EHD4: variants seen among roughly 807,000 people sequenced by gnomAD.
The protein encoded by EHD4 is EH domain-containing protein 4.
A neutral mutation model predicts 51.0 loss-of-function variants in EHD4; 37 were observed. The observed-to-expected ratio is 0.73, with a 90% confidence interval of 0.56 to 0.95. The LOEUF is 0.95. Among genes scored for constraint, EHD4 ranks in the 40% least tolerant of loss-of-function variants. EHD4 has a pLI of 0.00. For missense variants in EHD4, 632 were observed against 733.1 expected (o/e 0.86, Z 1.59); for synonymous variants, 297 against 317.3 (o/e 0.94, Z 0.68).
At chr15:41,953,996 A>C in intron 1 of EHD4, 56 bp from the exon 2 acceptor site, 1 of 1,581,970 alleles carries the variant, frequency 6.3e-7, no homozygotes, top group Non-Finnish European at 8.6e-7. Flanking sequence ...GTAAGAGGCC[A>C]GAAAGCTGCC....
intron 4 of EHD4, among the ~76,000 whole-genome samples, chr15:41,914,352 A>G (rs1412635390): frequency 7.7e-6 from 1 of 129,114 alleles, no homozygotes; most frequent in East Asian, 1.9e-4. Context: ...GCACGTTTAT[A>G]AAGTGGGTTT....
chr15:41,952,344 C>G (rs2067857776), intron 2 of EHD4, among the ~76,000 whole-genome samples: 3 of 152,166 alleles, frequency 2.0e-5, no homozygotes, highest in Admixed American at 2.0e-4. Context: ...CTCGGATGAC[C>G]CTCCCTAGCT....
chr15:41,957,727 C>T (rs1443158905), intron 1 of EHD4, among the ~76,000 whole-genome samples: 1 of 152,226 alleles, frequency 6.6e-6, no homozygotes, highest in Non-Finnish European at 1.5e-5. Flanking sequence ...TGGCAGATCC[C>T]TGACTTTACA....
chr15:41,951,557 T>A (rs542069345), intron 2 of EHD4, among the ~76,000 whole-genome samples: 10 of 152,298 alleles, frequency 6.6e-5, no homozygotes, highest in Admixed American at 3.3e-4. Context: ...CCTTGTGAAT[T>A]CAGACTTCAC....
intron 1 of EHD4, among the ~76,000 whole-genome samples, chr15:41,954,268 GTAC>G (rs2067872167): frequency 1.3e-5 from 2 of 152,166 alleles, no homozygotes; most frequent in Admixed American, 1.3e-4. Flanking sequence ...CTCAGCATGT[GTAC>G]TACAATTACT....
intron 3 of EHD4, chr15:41,921,386 G>A (rs192740608): frequency 8.5e-5 from 13 of 152,200 alleles, no homozygotes; most frequent in African/African-American, 3.1e-4. Context: ...CTACTGACAG[G>A]GTCACACATA....
chr15:41,925,284 T>C (rs1282830379), intron 3 of EHD4, among the ~76,000 whole-genome samples: 2 of 152,158 alleles, frequency 1.3e-5, no homozygotes, highest in African/African-American at 2.4e-5. Flanking sequence ...GAAGCTATAG[T>C]AGAAGCCTTA....
Position 41,899,930 on chromosome 15 carries a change from T to C in EHD4, c.*715A>G, listed in dbSNP as rs1332225103. 1 of 152,272 alleles carries C rather than the reference T, an allele frequency of 6.6e-6. No homozygotes were observed. 9.4% of individuals were successfully genotyped at this position (152,272 alleles called of 1,614,324 possible). A position where few individuals can be genotyped will look rare whatever the true frequency, so the allele number is the denominator to read the frequency against. ...TGAATTCCAAATTCCTAGCCGAATA[T>C]GGCTTTGCTGGTAAGCCCCCTGGAA... On this transcript the variant is annotated 3_prime_UTR_variant, in exon 6 of 6. Coordinates refer to ENST00000220325, the MANE Select transcript of EHD4 (RefSeq NM_139265.4).
At chr15:41,923,176 G>A (rs1001298644) in intron 3 of EHD4, among the ~76,000 whole-genome samples, 4 of 152,092 alleles carry the variant, frequency 2.6e-5, no homozygotes, top group Non-Finnish European at 5.9e-5. Flanking sequence ...TCTAGCCCCT[G>A]GCGACCACCA....
At chr15:41,968,780 G>T (rs931588476) in intron 1 of EHD4, among the ~76,000 whole-genome samples, 105 of 152,234 alleles carry the variant, frequency 6.9e-4, no homozygotes, top group African/African-American at 2.5e-3. Context: ...AATTGTTTTG[G>T]TTTTTTATTG....
At chr15:41,922,775 C>T (rs750147657) in intron 3 of EHD4, among the ~76,000 whole-genome samples, 19 of 150,954 alleles carry the variant, frequency 1.3e-4, no homozygotes, top group Middle Eastern at 6.8e-3. Flanking sequence ...CTATAAGTGA[C>T]GCCAATACTC....
chr15:41,967,130 C>T (rs1566828787), intron 1 of EHD4, among the ~76,000 whole-genome samples: 1 of 152,202 alleles, frequency 6.6e-6, no homozygotes, highest in Non-Finnish European at 1.5e-5. Context: ...TCTCAGTGAA[C>T]AGCTGTACTC....
chr15:41,900,639 C>T lies in EHD4; in HGVS notation c.*6G>A. The T allele has an allele frequency of 3.2e-6, 5 of 1,579,746 alleles. No homozygotes were observed. The highest frequency in any genetic ancestry group is 2.3e-5 in the East Asian group (1 of 44,266). On this transcript the variant is annotated 3_prime_UTR_variant, in exon 6 of 6. Transcript: ENST00000220325. This position sits in a 1 kb window ranked among gnomAD's most constrained non-coding sequence, Gnocchi z 4.8. ...CCAGTTCCCACCCCGTTCTGCAGCC[C>T]ACCCCTCAGTCGGCCTTGGGCAGGG... is the stretch of plus-strand genomic sequence containing the variant.
At chr15:41,942,752 TC>T in intron 3 of EHD4, 1 of 262,238 alleles carries the variant, frequency 3.8e-6, no homozygotes, top group Non-Finnish European at 7.6e-6. Flanking sequence ...TGCTGCTTCC[TC>T]CAGGAGCCTC....
Position 41,919,190 on chromosome 15 carries a change from C to A in EHD4, c.924+20G>T. 1 of 1,612,884 alleles carries A rather than the reference C, an allele frequency of 6.2e-7. No homozygotes were observed. Among genetic ancestry groups the A allele is most frequent in the Non-Finnish European group, 8.5e-7 (1 of 1,179,994 alleles). ...AGAGTCCCAGCCCCTGGCCTCTGTG[C>A]AAGGCATCTCCTGGCTTACCTTGGC... On this transcript the variant is annotated intron_variant, in intron 4 of 5. Coordinates refer to ENST00000220325, the MANE Select transcript of EHD4 (RefSeq NM_139265.4).
At chr15:41,949,356 C>T (rs1200734852) in intron 2 of EHD4, among the ~76,000 whole-genome samples, 2 of 151,716 alleles carry the variant, frequency 1.3e-5, no homozygotes, top group African/African-American at 4.9e-5. Context: ...GGTGACAGAG[C>T]AAGACTCCAT....
intron 2 of EHD4, among the ~76,000 whole-genome samples, chr15:41,949,136 G>A (rs1274359061): frequency 3.3e-5 from 5 of 149,706 alleles, no homozygotes; most frequent in Non-Finnish European, 4.4e-5. Flanking sequence ...TTGGGAGGCC[G>A]AGGCAGGTGG....
At chr15:41,907,769 C>T (rs1481593265) in intron 5 of EHD4, among the ~76,000 whole-genome samples, 1 of 151,332 alleles carries the variant, frequency 6.6e-6, no homozygotes, top group Non-Finnish European at 1.5e-5. Context: ...GTGATCTGTC[C>T]GCCTTGGCCT....
Position 41,919,210 on chromosome 15 carries a change from C to T in EHD4, c.924G>A (p.Lys308=). ...NDLIKRARLA[K]VHAYIISYLK... Reference sequence around the variant, plus strand: ...CTGTGCAAGGCATCTCCTGGCTTACCTTGGCCAGCCTCGCTCGCTTGATGA... The same window carrying T: ...CTGTGCAAGGCATCTCCTGGCTTACTTTGGCCAGCCTCGCTCGCTTGATGA... Residue 308 remains lysine (K), a splice_region_variant and synonymous_variant, in exon 4 of 6, where the codon AAG becomes AAA. Transcript: ENST00000220325. The T allele has an allele frequency of 1.2e-6, 2 of 1,613,720 alleles. No individual in the cohort carries two copies. The highest frequency in any genetic ancestry group is 1.7e-4 in the Middle Eastern group (1 of 5,896).
Sources: gnomAD v4.1 joint callset for allele counts (sites outside exome capture counted in the v4.1 genomes callset) on GRCh38, gnomAD v4.1.1 for gene constraint, Gnocchi (gnomAD v3.1) non-coding constraint, MANE v1.5 for transcripts, NCBI Gene and HGNC (gene_info 2026-07-23, HGNC 2026-07-21) for gene names.